Variants in CUX2 observed in about 807,000 individuals in gnomAD.
CUX2 encodes cut like homeobox 2, also known as homeobox protein cut-like 2.
In CUX2, 40 loss-of-function variants were observed where a neutral mutation model predicts 144.8. That is an observed-to-expected ratio of 0.28 (90% confidence interval 0.21 to 0.36). The LOEUF (loss-of-function observed/expected upper bound fraction) is 0.36, where lower values mean the gene tolerates loss of function less well. Among genes scored for constraint, CUX2 ranks in the 10% least tolerant of loss-of-function variants. The pLI is 1.00. For missense variants in CUX2, 1,615 were observed against 1,994.0 expected, an observed-to-expected ratio of 0.81 and a Z score of 3.62; for synonymous variants, 827 against 875.6, an observed-to-expected ratio of 0.94 and a Z score of 0.98.
intron 1 of CUX2, among the ~76,000 whole-genome samples, chr12:111,205,310 T>C (rs1880854304): frequency 1.3e-5 from 2 of 152,220 alleles, no homozygotes; most frequent in African/African-American, 2.4e-5. Flanking sequence ...GAACATCCCC[T>C]GAAGCCCTCC....
At chr12:111,326,604 T>C (rs1413528218) in intron 18 of CUX2, among the ~76,000 whole-genome samples, 2 of 151,946 alleles carry the variant, frequency 1.3e-5, no homozygotes, top group Non-Finnish European at 2.9e-5. Flanking sequence ...TTTTTTACTG[T>C]AGTAAAATTC....
rs1167359183 is a variant in CUX2 at position 111,320,696 on chromosome 12, T to C, written c.2687T>C (p.Val896Ala). 1 of 1,593,526 alleles carries C rather than the reference T, an allele frequency of 6.3e-7. No homozygotes were observed. The highest frequency in any genetic ancestry group is 8.5e-7 in the Non-Finnish European group (1 of 1,177,724). Reference sequence around the variant, plus strand: ...TACGAGCTGTACATGTACCGTGAGGTAGACACGCTGGAGCTCACCCGCCAG... The same window carrying C: ...TACGAGCTGTACATGTACCGTGAGGCAGACACGCTGGAGCTCACCCGCCAG... ...EQYELYMYRE[V>A]DTLELTRQVK... is the part of the protein sequence containing the mutation. Residue 896 changes from valine (V) to alanine (A), a missense_variant, in exon 17 of 22, where the codon GTA (valine) becomes GCA (alanine). By Grantham distance (64) the Val-to-Ala change is moderately conservative. Around this residue, in one of 12 missense-constraint regions of CUX2, gnomAD observed 390 missense variants for 387.1 expected, o/e 1.01. Transcript: ENST00000261726. The surrounding 1 kb of genome is among the most constrained non-coding windows in gnomAD (Gnocchi z 8.1).
intron 4 of CUX2, among the ~76,000 whole-genome samples, chr12:111,288,518 G>C (rs1488474770): frequency 1.3e-5 from 2 of 151,814 alleles, no homozygotes; most frequent in Non-Finnish European, 2.9e-5. Context: ...GGGCCAAGCA[G>C]ATACTGGCAG....
intron 17 of CUX2, among the ~76,000 whole-genome samples, chr12:111,321,001 C>T (rs191509618): frequency 4.6e-5 from 7 of 152,148 alleles, no homozygotes. Flanking sequence ...AACTCCCCTC[C>T]TCCAGGCCCC....
chr12:111,322,517 A>C lies in CUX2; in HGVS notation c.2863A>C (p.Met955Leu). 6.2e-7 allele frequency: 1 copy of C among 1,608,422 alleles called. No homozygotes were observed. The highest frequency in any genetic ancestry group is 2.2e-5 in the East Asian group (1 of 44,722). Residue 955 changes from methionine to leucine, a missense_variant, in exon 18 of 22, where the codon ATG becomes CTG. Transcript: ENST00000261726. This position sits in a 1 kb window ranked among gnomAD's most constrained non-coding sequence, Gnocchi z 4.2. ...TQKGREPFIR[M>L]QLWLSDQLGQ... Reference sequence around the variant, plus strand: ...GAAGGGGCGGGAGCCCTTCATCCGCATGCAGCTGTGGCTCTCTGACCAGCT... The same window carrying C: ...GAAGGGGCGGGAGCCCTTCATCCGCCTGCAGCTGTGGCTCTCTGACCAGCT...
At chr12:111,337,472 G>T (rs1281238368) in intron 19 of CUX2, among the ~76,000 whole-genome samples, 1 of 152,138 alleles carries the variant, frequency 6.6e-6, no homozygotes, top group Non-Finnish European at 1.5e-5. Flanking sequence ...TCAGGCCATG[G>T]ATGCGCCACA....
At position 111,171,401 on chromosome 12, in the gene CUX2, G is replaced by A. The variant is rs370363738; in HGVS notation, c.64-42799G>A. 5.3e-5 allele frequency among the ~76,000 whole-genome samples: 8 copies of A among 152,280 alleles called. No individual in the cohort carries two copies. Among genetic ancestry groups the A allele is most frequent in the South Asian group, 4.1e-4 (2 of 4,826 alleles). ...GACTCACTGCGGCTTTTCTGAGACC[G>A]GCCAGAAGGACAGACGAGAGGGGTT... On this transcript the variant is annotated intron_variant, in intron 1 of 21. Coordinates refer to ENST00000261726, the MANE Select transcript of CUX2 (RefSeq NM_015267.4). This position sits in a 1 kb window ranked among gnomAD's most constrained non-coding sequence, Gnocchi z 5.0.
At position 111,341,958 on chromosome 12, in the gene CUX2, G is replaced by A. The variant is rs1318365067; in HGVS notation, c.3564G>A (p.Gln1188=). 2 of 1,614,142 alleles carry A rather than the reference G, an allele frequency of 1.2e-6. No homozygotes were observed. The highest frequency in any genetic ancestry group is 1.1e-5 in the South Asian group (1 of 91,080). The part of the protein sequence containing the change: ...EEKEALRKAY[Q]LEPYPSQQTI... ...AGGAGGCACTGCGGAAGGCCTATCA[G>A]CTGGAACCCTACCCCTCGCAGCAGA... is the stretch of plus-strand genomic sequence containing the variant. The change falls in exon 21 of 22, where the codon CAG becomes CAA. Residue 1188 remains glutamine (Q), a synonymous_variant. Transcript: ENST00000261726.
chr12:111,133,724 T>A (rs1592926809), intron 1 of CUX2, among the ~76,000 whole-genome samples: 1 of 151,348 alleles, frequency 6.6e-6, no homozygotes, highest in Admixed American at 6.6e-5. Flanking sequence ...GGGGCGGGGG[T>A]CTTTAGGAGA....
chr12:111,189,782 G>A (rs567983120), intron 1 of CUX2, among the ~76,000 whole-genome samples: 9 of 152,224 alleles, frequency 5.9e-5, no homozygotes, highest in African/African-American at 1.9e-4. Context: ...TGATGCCGAC[G>A]CTGCTGGCCT....
intron 1 of CUX2, among the ~76,000 whole-genome samples, chr12:111,210,277 C>T (rs1338451889): frequency 6.6e-6 from 1 of 152,160 alleles, no homozygotes; most frequent in Non-Finnish European, 1.5e-5. Flanking sequence ...CCGATGCTGT[C>T]ATTGGCCCTC....
At chr12:111,069,251 T>C (rs1871151853) in intron 1 of CUX2, among the ~76,000 whole-genome samples, 1 of 152,170 alleles carries the variant, frequency 6.6e-6, no homozygotes, top group African/African-American at 2.4e-5. Flanking sequence ...CGGAGCCCAA[T>C]ACATAGTAAG....
At chr12:111,128,129 A>T (rs1875210232) in intron 1 of CUX2, among the ~76,000 whole-genome samples, 1 of 152,210 alleles carries the variant, frequency 6.6e-6, no homozygotes, top group Non-Finnish European at 1.5e-5. Context: ...TTTTCCAATT[A>T]TGTTCCTTCC....
At chr12:111,215,994 A>C (rs1322868790) in intron 2 of CUX2, among the ~76,000 whole-genome samples, 1 of 152,252 alleles carries the variant, frequency 6.6e-6, no homozygotes, top group East Asian at 1.9e-4. Flanking sequence ...TTTTGGAGCC[A>C]GTCTCTCCTG....
intron 19 of CUX2, 101 bp downstream of exon 19, chr12:111,334,811 G>A (rs1433638041): frequency 1.5e-6 from 2 of 1,307,240 alleles, no homozygotes; most frequent in Non-Finnish European, 2.1e-6. Context: ...GCTCATACCT[G>A]TAATTCCAGT....
chr12:111,125,211 C>CCT (rs2136101756), intron 1 of CUX2, among the ~76,000 whole-genome samples: 1 of 151,128 alleles, frequency 6.6e-6, no homozygotes, highest in South Asian at 2.1e-4. Flanking sequence ...ACAGAGTGTC[C>CCT]CTCTGTCACC....
rs752036880 is a variant in CUX2, at chr12:111,304,362, C to G, written c.858+48C>G. The G allele has an allele frequency of 4.7e-6, 7 of 1,491,036 alleles. No homozygotes were observed. The highest frequency in any genetic ancestry group is 2.3e-5 in the East Asian group (1 of 43,644). 92.4% of individuals were successfully genotyped at this position (1,491,036 alleles called of 1,614,324 possible). On this transcript the variant is annotated intron_variant, in intron 10 of 21. Coordinates refer to ENST00000261726, the MANE Select transcript of CUX2 (RefSeq NM_015267.4). The surrounding 1 kb of genome is among the most constrained non-coding windows in gnomAD (Gnocchi z 4.7). ...GAGCAGGGAGGGCAGAGGGAAAGAT[C>G]GGGAATGGCTGAGTTTGCAGGTTTC...
At chr12:111,328,967 CTCTCT>C in intron 18 of CUX2, among the ~76,000 whole-genome samples, 2 of 105,964 alleles carry the variant, frequency 1.9e-5, no homozygotes, top group Admixed American at 1.7e-4. Flanking sequence ...CTCTCTCTCT[CTCTCT>C]CTCCCCCTCT....
intron 1 of CUX2, among the ~76,000 whole-genome samples, chr12:111,146,264 A>G (rs1209124210): frequency 6.6e-6 from 1 of 152,206 alleles, no homozygotes. Flanking sequence ...GGACAAATGT[A>G]TGACGACGTG....
Sources: gnomAD v4.1 joint callset for allele counts (sites outside exome capture counted in the v4.1 genomes callset) on GRCh38, gnomAD v4.1.1 for gene constraint, gnomAD v4.1.1 regional missense constraint, Gnocchi (gnomAD v3.1) non-coding constraint, MANE v1.5 for transcripts, NCBI Gene and HGNC (gene_info 2026-07-23, HGNC 2026-07-21) for gene names.